ATP1B3: variants seen among roughly 807,000 people sequenced by gnomAD.
ATP1B3 encodes the protein sodium/potassium-transporting ATPase subunit beta-3.
A neutral mutation model predicts 30.2 loss-of-function variants in ATP1B3; 10 were observed. The ratio of observed to expected loss-of-function variants is 0.33; its 90% CI spans 0.20 to 0.56. ATP1B3 has a LOEUF of 0.56. Among genes scored for constraint, ATP1B3 ranks in the 20% least tolerant of loss-of-function variants. The probability of loss-of-function intolerance (pLI) is 0.90; values close to 1 mark genes in which losing one functional copy is unlikely to be tolerated. For missense variants in ATP1B3, 238 were observed against 336.7 expected (o/e 0.71, Z 2.29); for synonymous variants, 113 against 117.0 (o/e 0.97, Z 0.22).
chr3:141,915,796 A>T (rs1186772363), intron 4 of ATP1B3, among the ~76,000 whole-genome samples, 174 bp from the exon 5 acceptor site: 4 of 152,208 alleles, frequency 2.6e-5, no homozygotes, highest in Non-Finnish European at 4.4e-5. Flanking sequence ...TGCTGAAGTT[A>T]TTTTATTTAA....
At chr3:141,910,955 T>G (rs1023868090) in intron 3 of ATP1B3, among the ~76,000 whole-genome samples, 11 of 152,118 alleles carry the variant, frequency 7.2e-5, no homozygotes, top group Non-Finnish European at 1.6e-4. Context: ...CATATAGAAC[T>G]CAGTTCTTTG....
intron 3 of ATP1B3, among the ~76,000 whole-genome samples, chr3:141,908,051 T>A (rs1934292950): frequency 6.6e-6 from 1 of 150,604 alleles, no homozygotes; most frequent in African/African-American, 2.5e-5. Context: ...AGAATCTTTT[T>A]TTTTGTGCCA....
At chr3:141,925,405 C>T (rs1934640534) in intron 6 of ATP1B3, 126 bp from the exon 7 acceptor site, 2 of 944,192 alleles carry the variant, frequency 2.1e-6, no homozygotes, top group South Asian at 1.9e-5. Context: ...GCCATAATTG[C>T]ACCACTGCAC....
chr3:141,920,011 A>G (rs2107779462), intron 5 of ATP1B3, among the ~76,000 whole-genome samples: 1 of 152,272 alleles, frequency 6.6e-6, no homozygotes, highest in South Asian at 2.1e-4. Context: ...GTACCTCATT[A>G]TTATTCAGAT....
Position 141,876,843 on chromosome 3 carries a change from C to A in ATP1B3, c.42C>A (p.Ala14=), listed in dbSNP as rs371693282. Residue 14 remains alanine, a synonymous_variant, in exon 1 of 7, where the codon GCC becomes GCA. Transcript: ENST00000286371. The stretch of plus-strand genomic sequence containing the variant: ...AGAAGTCCCTCAACCAGAGCCTGGC[C>A]GAGTGGAAGCTCTTCATCTACAACC... The part of the protein sequence containing the change: ...NEKKSLNQSL[A]EWKLFIYNPT... 6.3e-7 allele frequency: 1 copy of A among 1,586,504 alleles called. No individual in the cohort carries two copies. Among genetic ancestry groups the A allele is most frequent in the African/African-American group, 1.4e-5 (1 of 71,796 alleles).
intron 6 of ATP1B3, among the ~76,000 whole-genome samples, chr3:141,924,333 A>G (rs1411881791): frequency 2.0e-5 from 2 of 102,212 alleles, no homozygotes; most frequent in African/African-American, 4.0e-5. Context: ...ACAGAATGCA[A>G]TGTCTCAAAA....
intron 1 of ATP1B3, among the ~76,000 whole-genome samples, chr3:141,883,769 T>G (rs1415471457): frequency 6.6e-6 from 1 of 152,228 alleles, no homozygotes; most frequent in Non-Finnish European, 1.5e-5. Context: ...TTCACAGTGT[T>G]TGACGGTATT....
At chr3:141,913,016 C>T (rs950018497) in intron 3 of ATP1B3, among the ~76,000 whole-genome samples, 1 of 152,104 alleles carries the variant, frequency 6.6e-6, no homozygotes, top group African/African-American at 2.4e-5. Flanking sequence ...ATCCACTTGC[C>T]CTGGTTTAAA....
chr3:141,925,482 A>G, intron 6 of ATP1B3, 49 bp from the exon 7 acceptor site: 2 of 1,539,120 alleles, frequency 1.3e-6, no homozygotes, highest in Admixed American at 4.1e-5. Context: ...AGAGAGAAGT[A>G]TTAAGTTTCC....
chr3:141,913,875 A>G, intron 4 of ATP1B3, 39 bp downstream of exon 4: 1 of 1,540,764 alleles, frequency 6.5e-7, no homozygotes, highest in Non-Finnish European at 8.7e-7. Context: ...CTTTTTTCTA[A>G]TATTCTCTTT....
chr3:141,901,825 A>G (rs1170735988), intron 1 of ATP1B3, among the ~76,000 whole-genome samples: 3 of 152,186 alleles, frequency 2.0e-5, no homozygotes, highest in African/African-American at 7.2e-5. Context: ...AAATAATTAA[A>G]CTCTTAGCAA....
At chr3:141,911,087 T>G (rs1209210265) in intron 3 of ATP1B3, among the ~76,000 whole-genome samples, 1 of 152,226 alleles carries the variant, frequency 6.6e-6, no homozygotes, top group Non-Finnish European at 1.5e-5. Context: ...GAGACTTGAC[T>G]GCAGGTTTTT....
intron 1 of ATP1B3, among the ~76,000 whole-genome samples, chr3:141,883,028 C>T (rs1043894650): frequency 7.9e-5 from 12 of 152,192 alleles, no homozygotes; most frequent in Non-Finnish European, 1.5e-5. Context: ...ATCTCAGTGG[C>T]TTACTTCTCT....
intron 2 of ATP1B3, among the ~76,000 whole-genome samples, chr3:141,906,856 T>G (rs1459771934): frequency 6.6e-6 from 1 of 152,230 alleles, no homozygotes; most frequent in African/African-American, 2.4e-5. Context: ...GTTATTTGAT[T>G]TTTTAAAAAT....
rs138992473 is a variant in ATP1B3, at chr3:141,906,047, T to C, written c.239-1120T>C. Reference sequence around the variant, plus strand: ...TACATATATAATATGTATTTATGTGTTGTATATTATATACATATAATATGT... The same window carrying C: ...TACATATATAATATGTATTTATGTGCTGTATATTATATACATATAATATGT... On this transcript the variant is annotated intron_variant, in intron 2 of 6. Transcript: ENST00000286371. Among the ~76,000 whole-genome samples the C allele has an allele frequency of 5.6e-4, 85 of 151,676 alleles. 2 individuals are homozygous for C. The East Asian group carries it at 0.014, about 25-fold the overall frequency.
intron 1 of ATP1B3, among the ~76,000 whole-genome samples, chr3:141,894,132 T>G (rs1934013297): frequency 6.6e-6 from 1 of 152,170 alleles, no homozygotes; most frequent in African/African-American, 2.4e-5. Flanking sequence ...ATGGTATACC[T>G]GTATAGGGCA....
Position 141,917,019 on chromosome 3 carries a change from T to C in ATP1B3, c.582+999T>C, listed in dbSNP as rs980908256. ...GGGACTACAGGCGCTCCCGGCTAAT[T>C]TTTTTTTTTTTTTTTTGGAGAGACA... On this transcript the variant is annotated intron_variant, in intron 5 of 6. Coordinates refer to ENST00000286371, the MANE Select transcript of ATP1B3 (RefSeq NM_001679.4). Among the ~76,000 whole-genome samples the C allele has an allele frequency of 3.5e-4, 6 of 17,102 alleles. No homozygotes were observed. The African/African-American group carries it at 6.4e-3, about 18-fold the overall frequency. The allele number at this position is 17,102 out of a possible 152,430, so 11.2% of individuals were successfully genotyped here.
intron 1 of ATP1B3, among the ~76,000 whole-genome samples, chr3:141,886,616 G>T (rs1308728991): frequency 6.6e-6 from 1 of 152,182 alleles, no homozygotes; most frequent in Non-Finnish European, 1.5e-5. Context: ...AAGATGACCA[G>T]ATAGGACTCA....
chr3:141,882,032 C>T (rs1411214958), intron 1 of ATP1B3, among the ~76,000 whole-genome samples: 2 of 152,078 alleles, frequency 1.3e-5, no homozygotes, highest in Non-Finnish European at 2.9e-5. Context: ...AAGAGCCTCT[C>T]CCCACCCCTG....
Sources: gnomAD v4.1 joint callset for allele counts (sites outside exome capture counted in the v4.1 genomes callset) on GRCh38, gnomAD v4.1.1 for gene constraint, MANE v1.5 for transcripts, NCBI Gene and HGNC (gene_info 2026-07-23, HGNC 2026-07-21) for gene names.